Variants in PKIB observed in about 807,000 individuals in gnomAD.
PKIB encodes the protein cAMP-dependent protein kinase inhibitor beta.
Under a neutral mutation model 4.5 loss-of-function variants are expected in PKIB, and 2 were observed. That is an observed-to-expected ratio of 0.44 (90% CI 0.18 to 1.39). PKIB has a LOEUF of 1.39. PKIB is among the 40% of genes most tolerant of loss of function. The probability of loss-of-function intolerance (pLI) is 0.27; values close to 1 mark genes in which losing one functional copy is unlikely to be tolerated. For missense variants in PKIB, 94 were observed against 92.6 expected (o/e 1.02, Z -0.06); for synonymous variants, 38 against 36.0 (o/e 1.06, Z -0.20).
At chr6:122,702,218 A>G (rs1778844058) in intron 3 of PKIB, among the ~76,000 whole-genome samples, 1 of 151,624 alleles carries the variant, frequency 6.6e-6, no homozygotes, top group African/African-American at 2.4e-5. Context: ...TGCTGAGAAT[A>G]TAAGGCTACC....
intron 2 of PKIB, chr6:122,493,092 T>C (rs1035695054): frequency 6.6e-6 from 1 of 152,224 alleles, no homozygotes; most frequent in Non-Finnish European, 1.5e-5. Flanking sequence ...ATTTTAGACT[T>C]TCCAATATTT....
chr6:122,692,002 CAG>C (rs1778376589), intron 3 of PKIB, among the ~76,000 whole-genome samples: 1 of 152,202 alleles, frequency 6.6e-6, no homozygotes, highest in Non-Finnish European at 1.5e-5. Context: ...TATTACCAGG[CAG>C]AGACTCTTGC....
At chr6:122,720,260 A>G (rs1011523102) in intron 4 of PKIB, among the ~76,000 whole-genome samples, 4 of 152,186 alleles carry the variant, frequency 2.6e-5, no homozygotes, top group Non-Finnish European at 4.4e-5. Context: ...GCTGCATGAA[A>G]TTAACCTGAG....
At chr6:122,666,288 C>T (rs1777217288) in intron 2 of PKIB, among the ~76,000 whole-genome samples, 1 of 152,184 alleles carries the variant, frequency 6.6e-6, no homozygotes, top group African/African-American at 2.4e-5. Context: ...AACAGGTTAC[C>T]TATGCAGAAG....
intron 2 of PKIB, among the ~76,000 whole-genome samples, chr6:122,487,005 CA>C (rs1209394701): frequency 3.9e-5 from 6 of 152,078 alleles, no homozygotes; most frequent in Admixed American, 3.9e-4. Context: ...TGCTGTATTT[CA>C]TGTAACTACA....
intron 2 of PKIB, among the ~76,000 whole-genome samples, chr6:122,489,577 A>C (rs1388396959): frequency 6.6e-6 from 1 of 152,216 alleles, no homozygotes; most frequent in Non-Finnish European, 1.5e-5. Context: ...TCCTTTTAAA[A>C]TACTACTTAT....
chr6:122,596,853 C>G (rs902555670), intron 3 of PKIB, among the ~76,000 whole-genome samples: 1 of 152,184 alleles, frequency 6.6e-6, no homozygotes, highest in African/African-American at 2.4e-5. Context: ...TGTTGCAGAG[C>G]CTTCTCCTGT....
chr6:122,681,750 G>T (rs963432893), intron 3 of PKIB, among the ~76,000 whole-genome samples: 1 of 152,196 alleles, frequency 6.6e-6, no homozygotes, highest in Non-Finnish European at 1.5e-5. Flanking sequence ...ATTAAATGAT[G>T]CTTTTCCATC....
intron 2 of PKIB, among the ~76,000 whole-genome samples, chr6:122,553,010 ATC>A (rs1475306887): frequency 2.0e-5 from 3 of 152,088 alleles, no homozygotes; most frequent in Non-Finnish European, 4.4e-5. Context: ...ATCTTCGTTT[ATC>A]CCTATCTCCT....
intron 2 of PKIB, among the ~76,000 whole-genome samples, chr6:122,494,188 A>T (rs111475444): frequency 0.013 from 1,908 of 152,328 alleles, 47 homozygotes; most frequent in African/African-American, 0.044. Context: ...CCAAAAGTTC[A>T]GAAAACTTGA....
intron 2 of PKIB, among the ~76,000 whole-genome samples, chr6:122,663,926 AGGTGGGTGG>A (rs1331239177): frequency 6.6e-6 from 1 of 152,164 alleles, no homozygotes; most frequent in Non-Finnish European, 1.5e-5. Flanking sequence ...AGAAATATGG[AGGTGGGTGG>A]AATCATTCTA....
intron 2 of PKIB, among the ~76,000 whole-genome samples, chr6:122,516,660 G>A (rs1237767852): frequency 6.6e-6 from 1 of 152,156 alleles, no homozygotes; most frequent in African/African-American, 2.4e-5. Context: ...TATAGCAGGA[G>A]CCAGATTGAC....
At chr6:122,664,327 G>A (rs1777131844) in intron 2 of PKIB, among the ~76,000 whole-genome samples, 1 of 152,212 alleles carries the variant, frequency 6.6e-6, no homozygotes, top group Non-Finnish European at 1.5e-5. Context: ...AGTTATGAAT[G>A]TCATTGGCCT....
rs537002023 is a variant in PKIB, at chr6:122,601,997, C to T, written c.-161+15990C>T. On this transcript the variant is annotated intron_variant, in intron 3 of 6. Coordinates refer to the PKIB transcript ENST00000392491. Reference sequence around the variant, plus strand: ...TTCTTTCCTTCCAAGCTCTTCCCTTCCTTTCCCTTCATTTTTTTTTTTTTT... The same window carrying T: ...TTCTTTCCTTCCAAGCTCTTCCCTTTCTTTCCCTTCATTTTTTTTTTTTTT... Among the ~76,000 whole-genome samples the T allele has an allele frequency of 1.3e-3, 188 of 146,128 alleles. 2 individuals carry two copies. The highest frequency in any genetic ancestry group is 1.8e-4 in the Non-Finnish European group (12 of 65,552).
At chr6:122,594,897 A>G (rs987770920) in intron 3 of PKIB, among the ~76,000 whole-genome samples, 5 of 152,168 alleles carry the variant, frequency 3.3e-5, no homozygotes, top group African/African-American at 1.2e-4. Context: ...TTTCATCTAT[A>G]GTCTGAGGCA....
chr6:122,719,909 A>AATATAGGCTTACAT (rs1779666666), intron 4 of PKIB, among the ~76,000 whole-genome samples: 2 of 152,292 alleles, frequency 1.3e-5, no homozygotes, highest in South Asian at 4.1e-4. Context: ...GAGTAGAAAA[A>AATATAGGCTTACAT]ATACACAGAA....
chr6:122,694,594 GA>G (rs1778488878), intron 3 of PKIB, among the ~76,000 whole-genome samples: 1 of 152,068 alleles, frequency 6.6e-6, no homozygotes, highest in South Asian at 2.1e-4. Context: ...GTGTTAAAGT[GA>G]AAAATCTGGT....
intron 2 of PKIB, among the ~76,000 whole-genome samples, chr6:122,508,575 A>G: frequency 6.6e-6 from 1 of 152,276 alleles, no homozygotes; most frequent in South Asian, 2.1e-4. Context: ...GAAGATTGGT[A>G]TGTGCTCAGA....
At chr6:122,481,927 C>T (rs1775622925) in intron 2 of PKIB, 1 of 150,894 alleles carries the variant, frequency 6.6e-6, no homozygotes, top group South Asian at 2.1e-4. Flanking sequence ...ATATTGAAAT[C>T]AAGAGACATC....
Sources: allele counts gnomAD v4.1 joint callset (sites outside exome capture counted in the v4.1 genomes callset), GRCh38; gene constraint gnomAD v4.1.1; transcripts MANE v1.5; gene names NCBI Gene and HGNC (gene_info 2026-07-23, HGNC 2026-07-21).